STRIP2: variants seen among roughly 807,000 people sequenced by gnomAD.
The protein encoded by STRIP2 is striatin interacting protein 2.
STRIP2 carries 84 observed loss-of-function variants against 107.1 expected under a neutral mutation model. The observed-to-expected ratio is 0.78, with a 90% CI of 0.66 to 0.94. The LOEUF (loss-of-function observed/expected upper bound fraction) is 0.94. Among genes scored for constraint, STRIP2 ranks in the 40% least tolerant of loss-of-function variants. The pLI, the probability that STRIP2 is intolerant of heterozygous loss-of-function variation, is 0.00. For missense variants in STRIP2, 888 were observed against 1,034.2 expected, an observed-to-expected ratio of 0.86 and a Z score of 1.94; for synonymous variants, 394 against 400.4, an observed-to-expected ratio of 0.98 and a Z score of 0.19.
chr7:129,481,871 T>TA (rs1195004440), intron 19 of STRIP2, among the ~76,000 whole-genome samples: 1 of 152,266 alleles, frequency 6.6e-6, no homozygotes, highest in Non-Finnish European at 1.5e-5. Context: ...CCATTTGTGT[T>TA]AAAAAACAAA....
chr7:129,438,144 G>C (rs1453622507), intron 1 of STRIP2, among the ~76,000 whole-genome samples: 1 of 152,068 alleles, frequency 6.6e-6, no homozygotes, highest in Non-Finnish European at 1.5e-5. Context: ...ATAATGTTTT[G>C]GGGGAGCAAC....
At chr7:129,463,983 G>T in intron 14 of STRIP2, 61 bp from the exon 15 acceptor site, 1 of 1,367,512 alleles carries the variant, frequency 7.3e-7, no homozygotes, top group East Asian at 2.3e-5. Flanking sequence ...GGGTGTGGAA[G>T]AATCACTTCC....
chr7:129,434,660 G>T, intron 1 of STRIP2, 59 bp downstream of exon 1: 2 of 1,418,832 alleles, frequency 1.4e-6, no homozygotes. Flanking sequence ...GGGAAGCGGC[G>T]GCTGAGGTGA....
At chr7:129,450,086 A>G (rs540580256) in intron 3 of STRIP2, among the ~76,000 whole-genome samples, 161 of 152,364 alleles carry the variant, frequency 1.1e-3, no homozygotes, top group African/African-American at 3.8e-3. Flanking sequence ...ACCAAGGACT[A>G]TCAGTGTTCT....
intron 3 of STRIP2, among the ~76,000 whole-genome samples, chr7:129,449,492 T>G (rs772592560): frequency 5.3e-5 from 8 of 152,144 alleles, no homozygotes; most frequent in African/African-American, 1.9e-4. Flanking sequence ...AGGGTTTATC[T>G]CCTCAGACAA....
intron 17 of STRIP2, among the ~76,000 whole-genome samples, chr7:129,468,238 G>A (rs1584959859): frequency 6.6e-6 from 1 of 152,170 alleles, no homozygotes; most frequent in African/African-American, 2.4e-5. Context: ...AGAAGTAAGA[G>A]GGCTAATCTC....
intron 20 of STRIP2, among the ~76,000 whole-genome samples, chr7:129,484,328 G>GT (rs1310130112): frequency 6.6e-6 from 1 of 152,184 alleles, no homozygotes; most frequent in Non-Finnish European, 1.5e-5. Context: ...ACCAGAACTT[G>GT]TAAGATTGAT....
chr7:129,454,583 C>G, intron 7 of STRIP2, 56 bp downstream of exon 7: 1 of 1,104,732 alleles, frequency 9.1e-7, no homozygotes, highest in Non-Finnish European at 1.4e-6. Context: ...AGAGGGGAAG[C>G]AGAGCATCTG....
At chr7:129,470,741 TTTGAAA>T (rs1225003271) in intron 18 of STRIP2, 26 bp downstream of exon 18, 1 of 1,603,130 alleles carries the variant, frequency 6.2e-7, no homozygotes, top group Admixed American at 1.7e-5. Context: ...TTTGGTAGCC[TTTGAAA>T]TTGCTAGGTA....
rs895387889 is a variant in STRIP2 at position 129,454,329 on chromosome 7, G to C, written c.600-92G>C. Reference sequence around the variant, plus strand: ...AGTTGCCCTGTAGCTAATCTCACTGGGTTGGGCTTCCCACAGAGACCATCT... The same window carrying C: ...AGTTGCCCTGTAGCTAATCTCACTGCGTTGGGCTTCCCACAGAGACCATCT... On this transcript the variant is annotated intron_variant, in intron 6 of 20. Transcript: ENST00000249344. The C allele has an allele frequency of 1.6e-5, 24 of 1,461,628 alleles. 1 individual carries two copies. In the South Asian group the frequency reaches 2.8e-4, roughly 17 times the overall value. 90.5% of individuals were successfully genotyped at this position (1,461,628 alleles called of 1,614,324 possible). A position where few individuals can be genotyped will look rare whatever the true frequency, so the allele number is the denominator to read the frequency against.
Position 129,444,049 on chromosome 7 carries a change from G to C in STRIP2, c.225G>C (p.Leu75=), listed in dbSNP as rs774458575. 6.2e-7 allele frequency: 1 copy of C among 1,613,568 alleles called. No homozygotes were observed. Among genetic ancestry groups the C allele is most frequent in the African/African-American group, 1.3e-5 (1 of 74,892 alleles). The change falls in exon 3 of 21, where the codon CTG becomes CTC. Residue 75 remains leucine (L), a synonymous_variant. Coordinates refer to ENST00000249344, the MANE Select transcript of STRIP2 (RefSeq NM_020704.3). ...LSELYSYTEN[L]EFTNNRRCFE... is the part of the protein sequence containing the mutation. ...AATTGTATAGTTACACTGAGAACCT[G>C]GAATTCACCAATAACAGGAGGTGCT...
At chr7:129,443,548 T>G (rs1487111380) in intron 2 of STRIP2, among the ~76,000 whole-genome samples, 2 of 152,186 alleles carry the variant, frequency 1.3e-5, no homozygotes, top group Admixed American at 6.5e-5. Context: ...GAGAATGAAC[T>G]GGTTCCAACC....
chr7:129,484,166 T>A (rs190979673), intron 20 of STRIP2, among the ~76,000 whole-genome samples: 1 of 152,360 alleles, frequency 6.6e-6, no homozygotes, highest in East Asian at 1.9e-4. Context: ...TTATCTACTT[T>A]ATTCGTCTAT....
At chr7:129,445,435 CTAGGCCA>C (rs1798009806) in intron 3 of STRIP2, among the ~76,000 whole-genome samples, 1 of 151,982 alleles carries the variant, frequency 6.6e-6, no homozygotes, top group Admixed American at 6.6e-5. Context: ...GCTAAAACCT[CTAGGCCA>C]GCAGAACGTA....
rs374334536 is a variant in STRIP2, at chr7:129,470,643, T to C, written c.1878-6T>C. The C allele has an allele frequency of 2.5e-6, 4 of 1,613,266 alleles. No homozygotes were observed. The African/African-American group carries it at 5.3e-5, about 21-fold the overall frequency. ...TAAAGCCTGTCCTTATCTCTGCATC[T>C]TACAGCATCTCAGTCCTGGATTATC... On this transcript the variant is annotated splice_polypyrimidine_tract_variant and splice_region_variant and intron_variant, in intron 17 of 20. Coordinates refer to ENST00000249344, the MANE Select transcript of STRIP2 (RefSeq NM_020704.3).
At chr7:129,436,358 A>C (rs1246646755) in intron 1 of STRIP2, among the ~76,000 whole-genome samples, 1 of 152,166 alleles carries the variant, frequency 6.6e-6, no homozygotes, top group African/African-American at 2.4e-5. Flanking sequence ...TCTGTTCCCC[A>C]CCTGTCAAGT....
At chr7:129,451,178 A>T (rs181736291) in intron 3 of STRIP2, among the ~76,000 whole-genome samples, 2,886 of 152,090 alleles carry the variant, frequency 0.019, 35 homozygotes, top group Middle Eastern at 0.054. Context: ...TGACCTCGTG[A>T]TCCGCCCGCC....
chr7:129,469,682 C>G (rs1313895101), intron 17 of STRIP2, among the ~76,000 whole-genome samples: 1 of 152,238 alleles, frequency 6.6e-6, no homozygotes, highest in African/African-American at 2.4e-5. Flanking sequence ...CTACCCTGGT[C>G]CCCCAGGTTA....
rs1798287794 is a variant in STRIP2 at position 129,454,503 on chromosome 7, CG to C, written c.685del (p.Glu229ArgfsTer7). 1 of 1,613,628 alleles carries C rather than the reference CG, an allele frequency of 6.2e-7. No individual in the cohort carries two copies. Among genetic ancestry groups the C allele is most frequent in the Non-Finnish European group, 8.5e-7 (1 of 1,179,562 alleles). ...AGACCCCTGTGGGTGGAGAACAGCC[CG>C]GGAGACCTTCCGCACTGAATTAAGT... ...ETDPCGWRTA[R>X]ETFRTELSFS... On this transcript the variant is annotated frameshift_variant, in exon 7 of 21. Transcript: ENST00000249344. LOFTEE classifies it high-confidence loss of function.
Sources: gnomAD v4.1 joint callset for allele counts (sites outside exome capture counted in the v4.1 genomes callset) on GRCh38, gnomAD v4.1.1 for gene constraint, MANE v1.5 for transcripts, NCBI Gene and HGNC (gene_info 2026-07-23, HGNC 2026-07-21) for gene names.